The following TMEM38A variants were observed in gnomAD, a reference collection of about 807,000 sequenced individuals.
The protein encoded by TMEM38A is trimeric intracellular cation channel type A.
TMEM38A carries 17 observed loss-of-function variants against 28.6 expected under a neutral mutation model. The ratio of observed to expected loss-of-function variants is 0.60; its 90% confidence interval spans 0.41 to 0.89. The LOEUF (loss-of-function observed/expected upper bound fraction) is 0.89. TMEM38A is among the 40% of genes least tolerant of loss of function. The pLI is 0.00. For missense variants in TMEM38A, 328 were observed against 393.1 expected (o/e 0.83, Z 1.40); for synonymous variants, 169 against 166.1 (o/e 1.02, Z -0.14).
At chr19:16,663,078 C>T (rs369577340) in intron 1 of TMEM38A, among the ~76,000 whole-genome samples, 11 of 151,656 alleles carry the variant, frequency 7.3e-5, no homozygotes, top group South Asian at 4.2e-4. Flanking sequence ...GTCAGGAGTT[C>T]GAGACCAGCC....
At chr19:16,679,362 A>G (rs1054106797) in intron 1 of TMEM38A, among the ~76,000 whole-genome samples, 3 of 149,438 alleles carry the variant, frequency 2.0e-5, no homozygotes, top group East Asian at 2.0e-4. Flanking sequence ...CAGTGGTGCA[A>G]TCTCAGCTCA....
At chr19:16,672,003 C>A (rs562535160) in intron 1 of TMEM38A, among the ~76,000 whole-genome samples, 2 of 152,306 alleles carry the variant, frequency 1.3e-5, no homozygotes, top group East Asian at 1.9e-4. Context: ...AACTCTCAGC[C>A]AGTTGTGTTT....
At chr19:16,686,263 C>A (rs746533095) in intron 4 of TMEM38A, 25 bp from the exon 5 acceptor site, 12 of 1,590,432 alleles carry the variant, frequency 7.5e-6, no homozygotes, top group Non-Finnish European at 1.0e-5. Flanking sequence ...AGGCACCTCC[C>A]GGTAATGACA....
intron 3 of TMEM38A, 68 bp from the exon 4 acceptor site, chr19:16,682,353 G>A (rs1288385505): frequency 7.7e-7 from 1 of 1,302,560 alleles, no homozygotes; most frequent in Non-Finnish European, 1.1e-6. Context: ...CTGCTTCCTT[G>A]GGAATTCAAA....
chr19:16,686,948 CTA>C, intron 5 of TMEM38A, among the ~76,000 whole-genome samples: 1 of 152,262 alleles, frequency 6.6e-6, no homozygotes, highest in Non-Finnish European at 1.5e-5. Flanking sequence ...TCCTGTCCTG[CTA>C]TGTTTGTAGC....
At chr19:16,678,419 C>A (rs71336783) in intron 1 of TMEM38A, among the ~76,000 whole-genome samples, 74 of 130,926 alleles carry the variant, frequency 5.7e-4, no homozygotes, top group Non-Finnish European at 9.0e-4. Flanking sequence ...CAGAGTGAGA[C>A]TCTGTCTCAA....
intron 1 of TMEM38A, among the ~76,000 whole-genome samples, chr19:16,663,831 C>T (rs192041151): frequency 6.6e-4 from 100 of 152,006 alleles, no homozygotes; most frequent in African/African-American, 1.7e-3. Context: ...CCACTGCGCC[C>T]GGCCTCCTAG....
chr19:16,671,201 C>CTTTTTTCTTTTTTTTTT (rs2086725903), intron 1 of TMEM38A, among the ~76,000 whole-genome samples: 1 of 84,848 alleles, frequency 1.2e-5, no homozygotes, highest in African/African-American at 6.6e-5. Flanking sequence ...AGGACCTGGG[C>CTTTTTTCTTTTTTTTTT]TTTTTTTTTT....
chr19:16,682,935 C>T (rs887192913), intron 4 of TMEM38A, among the ~76,000 whole-genome samples: 2 of 152,114 alleles, frequency 1.3e-5, no homozygotes, highest in Non-Finnish European at 2.9e-5. Context: ...GCATCCAAGA[C>T]CCAATGCAGG....
chr19:16,666,493 G>A (rs1445192041), intron 1 of TMEM38A, among the ~76,000 whole-genome samples: 1 of 151,900 alleles, frequency 6.6e-6, no homozygotes, highest in African/African-American at 2.4e-5. Flanking sequence ...CAGTAGTACA[G>A]TCATAGCTCA....
At chr19:16,678,443 A>G (rs2086762584) in intron 1 of TMEM38A, among the ~76,000 whole-genome samples, 1 of 151,506 alleles carries the variant, frequency 6.6e-6, no homozygotes, top group Non-Finnish European at 1.5e-5. Context: ...AAAAAAAAAA[A>G]AAAAAGAGCT....
intron 1 of TMEM38A, among the ~76,000 whole-genome samples, chr19:16,676,886 G>A (rs981917813): frequency 2.7e-5 from 4 of 148,498 alleles, no homozygotes; most frequent in Non-Finnish European, 5.9e-5. Flanking sequence ...TCAGCCTCCC[G>A]AGTAGCTGAG....
chr19:16,684,874 A>C (rs1434803296), intron 4 of TMEM38A, among the ~76,000 whole-genome samples: 1 of 138,292 alleles, frequency 7.2e-6, no homozygotes, highest in East Asian at 2.0e-4. Flanking sequence ...CTCCATCTCT[A>C]CAAAAAAAAA....
At chr19:16,680,298 C>A in intron 2 of TMEM38A, 99 bp from the exon 3 acceptor site, 1 of 1,509,954 alleles carries the variant, frequency 6.6e-7, no homozygotes, top group South Asian at 1.2e-5. Context: ...GGTCTAGGCA[C>A]AGCACGTTGG....
chr19:16,679,870 A>G (rs989687502), intron 1 of TMEM38A, 114 bp from the exon 2 acceptor site: 56 of 1,148,242 alleles, frequency 4.9e-5, no homozygotes, highest in Non-Finnish European at 6.4e-5. Context: ...AAACTTACAA[A>G]CTGCACAGTG....
chr19:16,681,159 A>T (rs1292001491), intron 3 of TMEM38A, among the ~76,000 whole-genome samples: 1 of 152,188 alleles, frequency 6.6e-6, no homozygotes, highest in African/African-American at 2.4e-5. Flanking sequence ...ATGGTGGCTC[A>T]TGCCTGTAGT....
intron 1 of TMEM38A, among the ~76,000 whole-genome samples, chr19:16,666,868 G>A (rs988484527): frequency 1.3e-5 from 2 of 151,244 alleles, no homozygotes; most frequent in African/African-American, 2.4e-5. Context: ...AAGGAGAATC[G>A]CTTGAAACCA....
At chr19:16,688,111 T>A (rs2086808985) in intron 5 of TMEM38A, 33 bp from the exon 6 acceptor site, 1 of 1,394,858 alleles carries the variant, frequency 7.2e-7, no homozygotes, top group Non-Finnish European at 9.5e-7. Context: ...TCCCTCTGTC[T>A]CTCTTGCTGT....
intron 4 of TMEM38A, among the ~76,000 whole-genome samples, chr19:16,684,141 C>CAG (rs10687050): frequency 0.034 from 5,093 of 147,718 alleles, 260 homozygotes; most frequent in African/African-American, 0.11. Context: ...AAGAAAGAAA[C>CAG]AGAGAGAGAG....
Sources: gnomAD v4.1 joint callset for allele counts (sites outside exome capture counted in the v4.1 genomes callset) on GRCh38, gnomAD v4.1.1 for gene constraint, MANE v1.5 for transcripts, NCBI Gene and HGNC (gene_info 2026-07-23, HGNC 2026-07-21) for gene names.